Variants in GRAMD1B observed in about 807,000 individuals in gnomAD.
GRAMD1B encodes the protein protein Aster-B.
Under a neutral mutation model 99.7 loss-of-function variants are expected in GRAMD1B, and 37 were observed. The observed-to-expected ratio is 0.37, with a 90% CI of 0.29 to 0.49. The LOEUF is 0.49. Among genes scored for constraint, GRAMD1B ranks in the 20% least tolerant of loss-of-function variants. The probability of loss-of-function intolerance (pLI) is 0.98; values close to 1 mark genes in which losing one functional copy is unlikely to be tolerated. For synonymous variants in GRAMD1B, 427 were observed against 387.6 expected (o/e 1.10, Z -1.19); for missense variants, 888 against 1,009.2 (o/e 0.88, Z 1.63).
intron 1 of GRAMD1B, among the ~76,000 whole-genome samples, chr11:123,461,906 A>G (rs994210436): frequency 6.7e-6 from 1 of 149,814 alleles, no homozygotes; most frequent in African/African-American, 2.4e-5. Context: ...GCGCCCGGCC[A>G]AGATAGCTCT....
At chr11:123,434,272 CAAG>C (rs934778502) in intron 1 of GRAMD1B, among the ~76,000 whole-genome samples, 2 of 131,384 alleles carry the variant, frequency 1.5e-5, no homozygotes, top group Non-Finnish European at 3.3e-5. Flanking sequence ...CAACAAAAAA[CAAG>C]AACATATGTA....
rs571279344 is a variant in GRAMD1B, at chr11:123,591,210, T to G, written c.685-2872T>G. 14 of 388,296 alleles carry G rather than the reference T, an allele frequency of 3.6e-5. No homozygotes were observed. Among genetic ancestry groups the G allele is most frequent in the Non-Finnish European group, 5.5e-5 (12 of 219,934 alleles). 24.1% of individuals were successfully genotyped at this position (388,296 alleles called of 1,614,324 possible). A position where few individuals can be genotyped will look rare whatever the true frequency, so the allele number is the denominator to read the frequency against. On this transcript the variant is annotated intron_variant, in intron 4 of 19. Transcript: ENST00000635736. The surrounding 1 kb of genome is among the most constrained non-coding windows in gnomAD (Gnocchi z 4.7). ...TCGGCTCACTTGTGAAGCTTCATGC[T>G]GGGCATGCAGCTCTAGGAGCAGAAA... is the stretch of plus-strand genomic sequence containing the variant.
chr11:123,411,165 C>A (rs563307480), intron 1 of GRAMD1B, among the ~76,000 whole-genome samples: 2 of 151,992 alleles, frequency 1.3e-5, no homozygotes, highest in Non-Finnish European at 2.9e-5. Context: ...CCACCACACC[C>A]GGCTAATTTT....
intron 2 of GRAMD1B, chr11:123,560,249 CGCGTGCGT>C: frequency 9.3e-7 from 1 of 1,078,256 alleles, no homozygotes; most frequent in Non-Finnish European, 1.1e-6. Context: ...TGCGCCTGTG[CGCGTGCGT>C]GCCTGAGCTC....
At chr11:123,527,724 A>G (rs1408374815) in intron 2 of GRAMD1B, among the ~76,000 whole-genome samples, 2 of 152,158 alleles carry the variant, frequency 1.3e-5, no homozygotes, top group Non-Finnish European at 2.9e-5. Flanking sequence ...CTGCAGGAAC[A>G]CTGGGCTCTT....
intron 1 of GRAMD1B, among the ~76,000 whole-genome samples, chr11:123,425,222 A>C (rs548629752): frequency 6.6e-6 from 1 of 152,274 alleles, no homozygotes; most frequent in East Asian, 1.9e-4. Context: ...GGGTCTGCAC[A>C]CTCAATCACT....
chr11:123,589,614 T>TTATATATATATATATATATATA lies in GRAMD1B; in HGVS notation c.685-4466_685-4445dup, dbSNP rs71060517. ...ACCTGCCACCATGTGTGGCTAATTT[T>TTATATATATATATATATATATA]TATATATATATATATATATATATTT... On this transcript the variant is annotated intron_variant, in intron 4 of 19. Transcript: ENST00000635736. Among the ~76,000 whole-genome samples the TTATATATATATATATATATATA allele has an allele frequency of 1.2e-3, 148 of 128,204 alleles. 2 individuals are homozygous for TTATATATATATATATATATATA. Among genetic ancestry groups the TTATATATATATATATATATATA allele is most frequent in the African/African-American group, 4.4e-3 (126 of 28,484 alleles). The allele number at this position is 128,204 out of a possible 152,430, so 84.1% of individuals were successfully genotyped here.
intron 8 of GRAMD1B, among the ~76,000 whole-genome samples, chr11:123,602,869 G>A (rs560836007): frequency 1.5e-4 from 23 of 152,300 alleles, no homozygotes; most frequent in African/African-American, 4.3e-4. Context: ...CTGTGGGAAC[G>A]TAAGACTCTA....
intron 2 of GRAMD1B, among the ~76,000 whole-genome samples, chr11:123,567,151 C>T (rs1947485386): frequency 6.6e-6 from 1 of 152,106 alleles, no homozygotes; most frequent in Non-Finnish European, 1.5e-5. Context: ...GCGGTGGGAC[C>T]AACAAGTGCC....
At chr11:123,444,696 G>A (rs1440579155) in intron 1 of GRAMD1B, among the ~76,000 whole-genome samples, 1 of 152,060 alleles carries the variant, frequency 6.6e-6, no homozygotes, top group Admixed American at 6.6e-5. Context: ...GTATTGCAGG[G>A]GGTTAGATGG....
intron 2 of GRAMD1B, among the ~76,000 whole-genome samples, chr11:123,532,245 T>G (rs1943468294): frequency 6.6e-6 from 1 of 152,196 alleles, no homozygotes; most frequent in Non-Finnish European, 1.5e-5. Flanking sequence ...GGCAGCTCAG[T>G]GATCCAGGCA....
intron 2 of GRAMD1B, among the ~76,000 whole-genome samples, chr11:123,484,796 A>C (rs1951798367): frequency 6.6e-6 from 1 of 151,960 alleles, no homozygotes; most frequent in Non-Finnish European, 1.5e-5. Flanking sequence ...AAGTTTCCGG[A>C]GCTCAAATTA....
At chr11:123,398,356 T>C (rs1239964897) in intron 1 of GRAMD1B, among the ~76,000 whole-genome samples, 1 of 152,206 alleles carries the variant, frequency 6.6e-6, no homozygotes, top group East Asian at 1.9e-4. Context: ...AGGTCTCTCT[T>C]CTTCTTATAA....
chr11:123,599,981 C>T (rs1278764452), intron 7 of GRAMD1B, among the ~76,000 whole-genome samples: 2 of 152,190 alleles, frequency 1.3e-5, no homozygotes, highest in Non-Finnish European at 2.9e-5. Context: ...TGGGTAAACT[C>T]CACAAGAGCA....
At chr11:123,577,638 G>A (rs1172120830) in intron 3 of GRAMD1B, 61 bp downstream of exon 3, 3 of 1,291,462 alleles carry the variant, frequency 2.3e-6, no homozygotes, top group African/African-American at 2.9e-5. Flanking sequence ...GCGATATTGG[G>A]GTGGTGAGCC....
intron 2 of GRAMD1B, among the ~76,000 whole-genome samples, chr11:123,509,322 C>T (rs1940747195): frequency 6.6e-6 from 1 of 152,216 alleles, no homozygotes; most frequent in South Asian, 2.1e-4. Context: ...ACGTCCCTAA[C>T]AGAAGATAGG....
At chr11:123,379,503 A>G (rs556067726) in intron 1 of GRAMD1B, among the ~76,000 whole-genome samples, 1 of 152,312 alleles carries the variant, frequency 6.6e-6, no homozygotes, top group East Asian at 1.9e-4. Flanking sequence ...TTTAGCATTT[A>G]TCATCACTTC....
At chr11:123,477,221 C>CG (rs1951326819) in intron 1 of GRAMD1B, among the ~76,000 whole-genome samples, 1 of 72,800 alleles carries the variant, frequency 1.4e-5, no homozygotes, top group South Asian at 8.5e-4. Context: ...CCCCCTCCCC[C>CG]TCCTCTCCCC....
In GRAMD1B at chr11:123,610,304, C is replaced by A. The variant is rs751330868; in HGVS notation, c.1885C>A (p.Leu629Ile). The A allele has an allele frequency of 2.5e-6, 4 of 1,613,912 alleles. No homozygotes were observed. Among genetic ancestry groups the A allele is most frequent in the Non-Finnish European group, 3.4e-6 (4 of 1,179,808 alleles). The stretch of plus-strand genomic sequence containing the variant: ...CTTCTACACAATCAATCGCTACACG[C>A]TCACCCGTGTGGCTCGGAACAAGAG... ...DYFYTINRYT[L>I]TRVARNKSRL... The change falls in exon 14 of 20, where the codon CTC (leucine) becomes ATC (isoleucine). Residue 629 changes from leucine to isoleucine, a missense_variant. Coordinates refer to ENST00000635736, the MANE Select transcript of GRAMD1B (RefSeq NM_001387025.1). The surrounding 1 kb of genome is among the most constrained non-coding windows in gnomAD (Gnocchi z 4.1).
Sources: gnomAD v4.1 joint callset for allele counts (sites outside exome capture counted in the v4.1 genomes callset) on GRCh38, gnomAD v4.1.1 for gene constraint, Gnocchi (gnomAD v3.1) non-coding constraint, MANE v1.5 for transcripts, NCBI Gene and HGNC (gene_info 2026-07-23, HGNC 2026-07-21) for gene names.